The following DYNC2H1 variants were observed in gnomAD, a reference collection of about 807,000 sequenced individuals.
The protein encoded by DYNC2H1 is cytoplasmic dynein 2 heavy chain 1.
In DYNC2H1, 410 loss-of-function variants were observed where a neutral mutation model predicts 570.0. The ratio of observed to expected loss-of-function variants is 0.72; its 90% CI spans 0.66 to 0.78. The LOEUF is 0.78. Ranked by LOEUF, DYNC2H1 falls within the 30% of genes least tolerant of loss-of-function variation. The pLI, the probability that DYNC2H1 is intolerant of heterozygous loss-of-function variation, is 0.00. For missense variants in DYNC2H1, 4,865 were observed against 5,046.4 expected (o/e 0.96, Z 1.09); for synonymous variants, 1,688 against 1,677.6 (o/e 1.01, Z -0.15).
At chr11:103,318,214 C>A (rs546613185) in intron 80 of DYNC2H1, among the ~76,000 whole-genome samples, 5 of 152,186 alleles carry the variant, frequency 3.3e-5, no homozygotes, top group African/African-American at 1.2e-4. Flanking sequence ...AAACTGAATT[C>A]CCCCACGTAG....
chr11:103,315,870 TA>T (rs1226602342), intron 79 of DYNC2H1, among the ~76,000 whole-genome samples: 1 of 151,940 alleles, frequency 6.6e-6, no homozygotes, highest in African/African-American at 2.4e-5. Flanking sequence ...ATTTTAAAAA[TA>T]TTTTTTGAGT....
rs756811136 is a variant in DYNC2H1, at chr11:103,456,350, A to AT, written c.12642_12643insT (p.Ile4215TyrfsTer2). 1 of 1,595,728 alleles carries AT rather than the reference A, an allele frequency of 6.3e-7. No individual in the cohort carries two copies. Among genetic ancestry groups the AT allele is most frequent in the African/African-American group, 1.3e-5 (1 of 74,624 alleles). On this transcript the variant is annotated frameshift_variant, in exon 87 of 89. Transcript: ENST00000375735. LOFTEE classifies it high-confidence loss of function. ...GTCGACTGCAAGAAGCAAAGCTACAAATTAAGGTACTAGACTAATTTTAGA... is the reference window on the plus strand; with the variant it reads ...GTCGACTGCAAGAAGCAAAGCTACAATATTAAGGTACTAGACTAATTTTAGA...
At chr11:103,251,007 C>G (rs116312723) in intron 65 of DYNC2H1, among the ~76,000 whole-genome samples, 3,473 of 152,012 alleles carry the variant, frequency 0.023, 115 homozygotes, top group African/African-American at 0.078. Context: ...GAATTTTGCT[C>G]TTGCTTCATT....
At chr11:103,362,072 T>G (rs901813881) in intron 83 of DYNC2H1, among the ~76,000 whole-genome samples, 5 of 152,100 alleles carry the variant, frequency 3.3e-5, no homozygotes, top group African/African-American at 1.2e-4. Context: ...TAAAATGTGC[T>G]TATAAAGGAG....
At chr11:103,126,840 A>G (rs1470231193) in intron 12 of DYNC2H1, among the ~76,000 whole-genome samples, 3 of 152,076 alleles carry the variant, frequency 2.0e-5, no homozygotes, top group African/African-American at 4.8e-5. Flanking sequence ...GAGTTTCACC[A>G]TGTTAGCCAG....
Position 103,113,717 on chromosome 11 carries a change from G to A in DYNC2H1, c.366+10G>A, listed in dbSNP as rs200257097. ...ACCAATGTTGTTAAAGGTGAGAAAA[G>A]AAGCTGTCATTTTTTTTAACTGAGG... On this transcript the variant is annotated intron_variant, in intron 2 of 88. Coordinates refer to ENST00000375735, the MANE Select transcript of DYNC2H1 (RefSeq NM_001377.3). 5.5e-5 allele frequency: 82 copies of A among 1,492,944 alleles called. 1 individual carries two copies. The Admixed American group carries it at 9.2e-4, about 17-fold the overall frequency. 92.5% of individuals were successfully genotyped at this position (1,492,944 alleles called of 1,614,324 possible). A position where few individuals can be genotyped will look rare whatever the true frequency, so the allele number is the denominator to read the frequency against.
intron 70 of DYNC2H1, among the ~76,000 whole-genome samples, chr11:103,260,204 G>A (rs1418540723): frequency 6.6e-6 from 1 of 152,160 alleles, no homozygotes; most frequent in Non-Finnish European, 1.5e-5. Flanking sequence ...AGCTGACTTA[G>A]TTCTAAATAT....
At chr11:103,257,555 C>G in intron 68 of DYNC2H1, 53 bp from the exon 69 acceptor site, 1 of 1,517,068 alleles carries the variant, frequency 6.6e-7, no homozygotes. Context: ...GGCAGTAAAG[C>G]ACTAATTCTA....
chr11:103,282,902 C>G (rs1866197336), intron 72 of DYNC2H1, 106 bp from the exon 73 acceptor site: 1 of 766,862 alleles, frequency 1.3e-6, no homozygotes. Flanking sequence ...AGAAATAATG[C>G]ATAGAATGAA....
chr11:103,386,803 A>C (rs1379689893), intron 83 of DYNC2H1, among the ~76,000 whole-genome samples: 2 of 152,108 alleles, frequency 1.3e-5, no homozygotes, highest in Non-Finnish European at 2.9e-5. Context: ...TTCCAGCTTC[A>C]TCCATGTCCC....
chr11:103,441,356 A>C (rs1370427377), intron 85 of DYNC2H1, among the ~76,000 whole-genome samples: 21 of 128,070 alleles, frequency 1.6e-4, no homozygotes, highest in Admixed American at 3.1e-4. Flanking sequence ...TAACCCCCGC[A>C]CTCCCCCCTC....
Position 103,465,015 on chromosome 11 carries a change from T to C in DYNC2H1, c.12649-3574T>C, listed in dbSNP as rs1945147521. Among the ~76,000 whole-genome samples the C allele has an allele frequency of 6.6e-6, 1 of 152,178 alleles. No homozygotes were observed. The highest frequency in any genetic ancestry group is 1.5e-5 in the Non-Finnish European group (1 of 68,024). On this transcript the variant is annotated intron_variant, in intron 87 of 88. Coordinates refer to ENST00000375735, the MANE Select transcript of DYNC2H1 (RefSeq NM_001377.3). This position sits in a 1 kb window ranked among gnomAD's most constrained non-coding sequence, Gnocchi z 4.9. ...ATATAATGTGTTAAAATTCATACTA[T>C]GTTCAGTACTGAATACTTTAAGAAT... is the stretch of plus-strand genomic sequence containing the variant.
intron 20 of DYNC2H1, among the ~76,000 whole-genome samples, chr11:103,150,140 G>A (rs748961643): frequency 6.6e-6 from 1 of 152,184 alleles, no homozygotes; most frequent in Admixed American, 6.6e-5. Context: ...AGAGGCAAGG[G>A]CCAGATTACG....
chr11:103,134,182 G>T, intron 14 of DYNC2H1, 139 bp from the exon 15 acceptor site: 1 of 658,706 alleles, frequency 1.5e-6, no homozygotes, highest in Non-Finnish European at 2.6e-6. Context: ...TCAGTACATT[G>T]GTCAAGTATT....
rs1377466844 is a variant in DYNC2H1, at chr11:103,316,610, A to C, written c.11715A>C (p.Arg3905Ser). Residue 3905 changes from arginine (R) to serine (S), a missense_variant, in exon 80 of 89, where the codon AGA (arginine) becomes AGC (serine). Arg to Ser is a moderately radical substitution (Grantham distance 110, BLOSUM62 -1). Transcript: ENST00000375735. ...GGGCTGGGTACAACATTATTGACAG[A>C]CTTTTTGATGGTAAGTTCTAACAAA... ...DLRAGYNIID[R>S]LFDGAKDVQW... 3 of 1,534,630 alleles carry C rather than the reference A, an allele frequency of 2.0e-6. No homozygotes were observed. The African/African-American group carries it at 4.2e-5, about 21-fold the overall frequency.
chr11:103,398,340 A>G (rs900081378), intron 83 of DYNC2H1, among the ~76,000 whole-genome samples: 2 of 152,188 alleles, frequency 1.3e-5, no homozygotes, highest in African/African-American at 2.4e-5. Flanking sequence ...ATGTATCTCA[A>G]AAATGATTTC....
At chr11:103,231,446 A>T (rs1778495885) in intron 60 of DYNC2H1, 100 bp downstream of exon 60, 1 of 659,820 alleles carries the variant, frequency 1.5e-6, no homozygotes, top group East Asian at 2.9e-5. Flanking sequence ...TTAGACTCTT[A>T]TGTCAGATGA....
intron 82 of DYNC2H1, among the ~76,000 whole-genome samples, chr11:103,349,806 G>C (rs894359453): frequency 6.6e-6 from 1 of 152,046 alleles, no homozygotes; most frequent in Non-Finnish European, 1.5e-5. Flanking sequence ...CATGGTAGGG[G>C]TGCCTGTACA....
chr11:103,154,986 GAGAAAGAAGT>G (rs2134887872), intron 24 of DYNC2H1, among the ~76,000 whole-genome samples, 177 bp downstream of exon 24: 1 of 152,068 alleles, frequency 6.6e-6, no homozygotes, highest in South Asian at 2.1e-4. Context: ...TACTACCAAT[GAGAAAGAAGT>G]TATAAGAAAT....
Sources: gnomAD v4.1 joint callset for allele counts (sites outside exome capture counted in the v4.1 genomes callset) on GRCh38, gnomAD v4.1.1 for gene constraint, Gnocchi (gnomAD v3.1) non-coding constraint, MANE v1.5 for transcripts, NCBI Gene and HGNC (gene_info 2026-07-23, HGNC 2026-07-21) for gene names.